Variants in TAF1L observed in about 807,000 individuals in gnomAD.
TAF1L encodes TATA-box binding protein associated factor 1 like, also known as transcription initiation factor TFIID subunit 1-like.
Under a neutral mutation model 128.8 loss-of-function variants are expected in TAF1L, and 30 were observed. The ratio of observed to expected loss-of-function variants is 0.23; its 90% CI spans 0.17 to 0.32. The LOEUF (loss-of-function observed/expected upper bound fraction) is 0.32. Ranked by LOEUF, TAF1L falls within the 10% of genes least tolerant of loss-of-function variation. The pLI, the probability that TAF1L is intolerant of heterozygous loss-of-function variation, is 1.00. For missense variants in TAF1L, 2,099 were observed against 2,253.7 expected, an observed-to-expected ratio of 0.93 and a Z score of 1.39; for synonymous variants, 764 against 790.7, an observed-to-expected ratio of 0.97 and a Z score of 0.57.
At position 32,633,945 on chromosome 9, in the gene TAF1L, G is replaced by A; in HGVS notation, c.1635C>T (p.Ser545=). The part of the protein sequence containing the change: ...EKEEATSNSP[S]KESKKESSLK... ...GAGATGATTCCTTCTTACTCTCCTT[G>A]GAGGGGGAGTTAGAGGTGGCCTCTT... is the stretch of plus-strand genomic sequence containing the variant. The change falls in exon 1 of 1, where the codon TCC becomes TCT. Residue 545 remains serine (S), a synonymous_variant. Transcript: ENST00000242310. The A allele has an allele frequency of 6.2e-7, 1 of 1,614,090 alleles. No individual in the cohort carries two copies.
rs749527766 is a variant in TAF1L, at chr9:32,632,635, A to T, written c.2945T>A (p.Phe982Tyr). 5.6e-6 allele frequency: 9 copies of T among 1,614,088 alleles called. No homozygotes were observed. The highest frequency in any genetic ancestry group is 7.6e-6 in the Non-Finnish European group (9 of 1,180,012). The change falls in exon 1 of 1, where the codon TTC becomes TAC. Residue 982 changes from phenylalanine to tyrosine, a missense_variant. By Grantham distance (22) the Phe-to-Tyr change is conservative (BLOSUM62 3). Transcript: ENST00000242310. This position sits in a 1 kb window ranked among gnomAD's most constrained non-coding sequence, Gnocchi z 4.4. ...VADPTGCGEG[F>Y]SYVKIPNKPT... ...TTTATTTGGAATCTTCACATAGGAG[A>T]ATCCTTCACCACACCCTGTGGGATC...
At position 32,635,345 on chromosome 9, in the gene TAF1L, C is replaced by G; in HGVS notation, c.235G>C (p.Glu79Gln). Residue 79 changes from glutamate (E) to glutamine (Q), a missense_variant, in exon 1 of 1, where the codon GAA (glutamate) becomes CAA (glutamine). By Grantham distance (29) the Glu-to-Gln change is conservative. Transcript: ENST00000242310. The stretch of plus-strand genomic sequence containing the variant: ...GTCAATTCTTCATTTGCCGTGAGTT[C>G]AGTGATTAGGCTGCCCAGCCCCAAA... ...GALGLGSLIT[E>Q]LTANEELTGT... The G allele has an allele frequency of 6.2e-7, 1 of 1,614,178 alleles. No individual in the cohort carries two copies. Among genetic ancestry groups the G allele is most frequent in the Non-Finnish European group, 8.5e-7 (1 of 1,180,032 alleles).
chr9:32,635,059 A>G lies in TAF1L; in HGVS notation c.521T>C (p.Ile174Thr). 3.1e-6 allele frequency: 5 copies of G among 1,614,154 alleles called. No homozygotes were observed. The highest frequency in any genetic ancestry group is 4.2e-6 in the Non-Finnish European group (5 of 1,180,020). Residue 174 changes from isoleucine (I) to threonine (T), a missense_variant, in exon 1 of 1, where the codon ATT (isoleucine) becomes ACT (threonine). Ile to Thr is a moderately conservative substitution (Grantham distance 89, BLOSUM62 -1). Around this residue, in one of 4 missense-constraint regions of TAF1L, gnomAD observed 473 missense variants for 429.6 expected, o/e 1.10. Coordinates refer to ENST00000242310, the MANE Select transcript of TAF1L (RefSeq NM_153809.2). ...TTCTCCACTTTCAGACACACAGGTAATAGCATCTTGGTCCTTATCCTTCTT... is the reference window on the plus strand; with the variant it reads ...TTCTCCACTTTCAGACACACAGGTAGTAGCATCTTGGTCCTTATCCTTCTT... ...PMKKDKDQDAITCVSESGEDI... is the reference protein window; with the variant it reads ...PMKKDKDQDATTCVSESGEDI...
rs766008806 is a variant in TAF1L at position 32,632,006 on chromosome 9, C to T, written c.3574G>A (p.Asp1192Asn). The part of the protein sequence containing the change: ...HCLKIYRTFR[D>N]EEGKEYVRCE... The stretch of plus-strand genomic sequence containing the variant: ...CGAACATACTCTTTCCCCTCTTCAT[C>T]TCGAAATGTGCGATAAATCTTGAGA... The change falls in exon 1 of 1, where the codon GAT (aspartate) becomes AAT (asparagine). Residue 1192 changes from aspartate to asparagine, a missense_variant. By Grantham distance (23) the Asp-to-Asn change is conservative. Coordinates refer to ENST00000242310, the MANE Select transcript of TAF1L (RefSeq NM_153809.2). This position sits in a 1 kb window ranked among gnomAD's most constrained non-coding sequence, Gnocchi z 4.4. 1 of 1,614,200 alleles carries T rather than the reference C, an allele frequency of 6.2e-7. No individual in the cohort carries two copies. The highest frequency in any genetic ancestry group is 8.5e-7 in the Non-Finnish European group (1 of 1,180,042).
At position 32,633,061 on chromosome 9, in the gene TAF1L, C is replaced by A; in HGVS notation, c.2519G>T (p.Arg840Leu). 6.2e-7 allele frequency: 1 copy of A among 1,614,122 alleles called. No individual in the cohort carries two copies. The highest frequency in any genetic ancestry group is 1.1e-5 in the South Asian group (1 of 91,078). ...IYRLFWKSKD[R>L]PRRIRMEDIK... ...ATCTTCCATTCGTATCCTCCGTGGC[C>A]GATCTTTACTCTTCCAGAAAAGGCG... The change falls in exon 1 of 1, where the codon CGG (arginine) becomes CTG (leucine). Residue 840 changes from arginine to leucine, a missense_variant. Physicochemically the swap from Arg to Leu is moderately radical, Grantham distance 102 (BLOSUM62 -2). This residue lies in a region of TAF1L where 1,213 missense variants were observed against 1,391.4 expected (regional missense o/e 0.87). Coordinates refer to ENST00000242310, the MANE Select transcript of TAF1L (RefSeq NM_153809.2).
At position 32,632,495 on chromosome 9, in the gene TAF1L, A is replaced by C. The variant is rs1384373355; in HGVS notation, c.3085T>G (p.Phe1029Val). The C allele has an allele frequency of 5.6e-6, 9 of 1,614,028 alleles. No individual in the cohort carries two copies. The Admixed American group carries it at 1.5e-4, about 27-fold the overall frequency. The stretch of plus-strand genomic sequence containing the variant: ...TTAATCTCTTCCTCAGGCACACCAA[A>C]TTTACGTAGAAGTTGCTTGGCATTT... Reference protein sequence around the residue: ...LKNAKQLLRKFGVPEEEIKKL... With the variant: ...LKNAKQLLRKVGVPEEEIKKL... Residue 1029 changes from phenylalanine (F) to valine (V), a missense_variant, in exon 1 of 1, where the codon TTT becomes GTT. Transcript: ENST00000242310. This position sits in a 1 kb window ranked among gnomAD's most constrained non-coding sequence, Gnocchi z 4.4.
In TAF1L at chr9:32,633,374, A is replaced by C. The variant is rs767772683; in HGVS notation, c.2206T>G (p.Cys736Gly). 12 of 1,614,222 alleles carry C rather than the reference A, an allele frequency of 7.4e-6. No individual in the cohort carries two copies. The South Asian group carries it at 1.2e-4, about 16-fold the overall frequency. The change falls in exon 1 of 1, where the codon TGT becomes GGT. Residue 736 changes from cysteine (C) to glycine (G), a missense_variant. By Grantham distance (159) the Cys-to-Gly change is radical. This residue lies in a region of TAF1L where 1,213 missense variants were observed against 1,391.4 expected (regional missense o/e 0.87). Transcript: ENST00000242310. ...CAGTAAACAGTTTCCCCATATTTAC[A>C]ATCTGGTGCTCCAGGATCTTTGCCA... ...KPGKDPGAPDCKYGETVYCHT... is the reference protein window; with the variant it reads ...KPGKDPGAPDGKYGETVYCHT...
Position 32,632,848 on chromosome 9 carries a change from A to G in TAF1L, c.2732T>C (p.Ile911Thr), listed in dbSNP as rs748437551. The change falls in exon 1 of 1, where the codon ATA becomes ACA. Residue 911 changes from isoleucine to threonine, a missense_variant. Ile to Thr is a moderately conservative substitution (Grantham distance 89). This residue lies in a region of TAF1L where 1,213 missense variants were observed against 1,391.4 expected (regional missense o/e 0.87). Transcript: ENST00000242310. The surrounding 1 kb of genome is among the most constrained non-coding windows in gnomAD (Gnocchi z 4.4). ...ATCCTTCAGTCGTTGCTTTGCAGCTATCATGCTATAATAAGCACAGCACTG... is the reference window on the plus strand; with the variant it reads ...ATCCTTCAGTCGTTGCTTTGCAGCTGTCATGCTATAATAAGCACAGCACTG... The part of the protein sequence containing the change: ...PEQCCAYYSM[I>T]AAKQRLKDAG... 6 of 1,614,142 alleles carry G rather than the reference A, an allele frequency of 3.7e-6. No individual in the cohort carries two copies. Among genetic ancestry groups the G allele is most frequent in the Admixed American group, 3.3e-5 (2 of 60,010 alleles).
Position 32,630,402 on chromosome 9 carries a change from CTCA to C in TAF1L, c.5175_5177del (p.Asp1725del). On this transcript the variant is annotated inframe_deletion, in exon 1 of 1. Transcript: ENST00000242310. ...GAGGCTTAGGTTTCCCATCCTCCTC[CTCA>C]TCATCATACCCTTCAACATCCACAT... 6.2e-6 allele frequency: 10 copies of C among 1,614,218 alleles called. No individual in the cohort carries two copies. Among genetic ancestry groups the C allele is most frequent in the South Asian group, 1.1e-5 (1 of 91,088 alleles).
Position 32,634,619 on chromosome 9 carries a change from G to C in TAF1L, c.961C>G (p.Pro321Ala). The change falls in exon 1 of 1, where the codon CCA becomes GCA. Residue 321 changes from proline to alanine, a missense_variant. Pro to Ala is a conservative substitution (Grantham distance 27). Coordinates refer to ENST00000242310, the MANE Select transcript of TAF1L (RefSeq NM_153809.2). ...WNYDYAPPPP[P>A]EQCLADDEIT... ...TCATCATCAGCGAGACACTGCTCTGGGGGTGGTGGTGGAGCATAGTCATAG... is the reference window on the plus strand; with the variant it reads ...TCATCATCAGCGAGACACTGCTCTGCGGGTGGTGGTGGAGCATAGTCATAG... 6.2e-7 allele frequency: 1 copy of C among 1,614,154 alleles called. No individual in the cohort carries two copies. The highest frequency in any genetic ancestry group is 1.1e-5 in the South Asian group (1 of 91,082).
Position 32,634,237 on chromosome 9 carries a change from T to C in TAF1L, c.1343A>G (p.Gln448Arg). 1 of 1,614,202 alleles carries C rather than the reference T, an allele frequency of 6.2e-7. No homozygotes were observed. The highest frequency in any genetic ancestry group is 2.2e-5 in the East Asian group (1 of 44,878). Residue 448 changes from glutamine to arginine, a missense_variant, in exon 1 of 1, where the codon CAG (glutamine) becomes CGG (arginine). Transcript: ENST00000242310. The stretch of plus-strand genomic sequence containing the variant: ...AAGCCAGCCTGCCAGGCTTGCACCC[T>C]GAGGTTTTGTCCCTTTGTGTTTGAT... ...EDIKHKGTKPQGASLAGWLPS... is the reference protein window; with the variant it reads ...EDIKHKGTKPRGASLAGWLPS...
chr9:32,635,564 C>G lies in TAF1L; in HGVS notation c.16G>C (p.Asp6His), dbSNP rs766801377. The change falls in exon 1 of 1, where the codon GAT (aspartate) becomes CAT (histidine). Residue 6 changes from aspartate to histidine, a missense_variant. Physicochemically the swap from Asp to His is moderately conservative, Grantham distance 81 (BLOSUM62 -1). This residue lies in a region of TAF1L where 473 missense variants were observed against 429.6 expected (regional missense o/e 1.10). Transcript: ENST00000242310. ...GTAGCTGCTGCCCTCAGCAGCAAAT[C>G]GCAGCCGGGTCGCATAAACCGGAAA... is the stretch of plus-strand genomic sequence containing the variant. Reference protein sequence around the residue: MRPGCDLLLRAAATVT... With the variant: MRPGCHLLLRAAATVT... 15 of 1,613,362 alleles carry G rather than the reference C, an allele frequency of 9.3e-6. No homozygotes were observed. The African/African-American group carries it at 2.0e-4, about 22-fold the overall frequency.
chr9:32,632,370 T>C lies in TAF1L; in HGVS notation c.3210A>G (p.Ser1070=). 6.2e-7 allele frequency: 1 copy of C among 1,614,216 alleles called. No homozygotes were observed. The highest frequency in any genetic ancestry group is 8.5e-7 in the Non-Finnish European group (1 of 1,180,032). Residue 1070 remains serine, a synonymous_variant, in exon 1 of 1, where the codon TCA becomes TCG. Coordinates refer to ENST00000242310, the MANE Select transcript of TAF1L (RefSeq NM_153809.2). This position sits in a 1 kb window ranked among gnomAD's most constrained non-coding sequence, Gnocchi z 4.4. ...EGPMSKFARG[S]RFSVAEHQER... Reference sequence around the variant, plus strand: ...CTTGATGCTCAGCCACAGAAAACCTTGATCCACGGGCAAATTTACTCATGG... The same window carrying C: ...CTTGATGCTCAGCCACAGAAAACCTCGATCCACGGGCAAATTTACTCATGG...
Position 32,630,448 on chromosome 9 carries a change from A to G in TAF1L, c.5132T>C (p.Leu1711Pro), listed in dbSNP as rs756746480. ...EKQMCQGQGRLGEEDSDVDVE... is the reference protein window; with the variant it reads ...EKQMCQGQGRPGEEDSDVDVE... ...ATCCACATCAGAGTCTTCCTCACCC[A>G]GCCTACCTTGGCCCTGGCACATCTG... The change falls in exon 1 of 1, where the codon CTG becomes CCG. Residue 1711 changes from leucine (L) to proline (P), a missense_variant. Coordinates refer to ENST00000242310, the MANE Select transcript of TAF1L (RefSeq NM_153809.2). The G allele has an allele frequency of 3.7e-6, 6 of 1,614,116 alleles. No homozygotes were observed. Among genetic ancestry groups the G allele is most frequent in the Non-Finnish European group, 5.1e-6 (6 of 1,180,004 alleles).
In TAF1L at chr9:32,635,288, C is replaced by A. The variant is rs1214432202; in HGVS notation, c.292G>T (p.Gly98Trp). The change falls in exon 1 of 1, where the codon GGG becomes TGG. Residue 98 changes from glycine to tryptophan, a missense_variant. Physicochemically the swap from Gly to Trp is radical, Grantham distance 184. Coordinates refer to ENST00000242310, the MANE Select transcript of TAF1L (RefSeq NM_153809.2). ...GTGGALVNDE[G>W]WIRSTEDAVD... ...GCATCTTCTGTACTCCTAATCCACC[C>A]TTCATCATTTACCAAGGCACCGCCA... The A allele has an allele frequency of 6.2e-7, 1 of 1,614,142 alleles. No individual in the cohort carries two copies. The highest frequency in any genetic ancestry group is 1.1e-5 in the South Asian group (1 of 91,080).
chr9:32,631,772 GCTT>G lies in TAF1L; in HGVS notation c.3805_3807del (p.Lys1269del). Reference sequence around the variant, plus strand: ...TCAGGACGCTCTTTCATTTTCTTGGGCTTCTTCTCAGGAGGACCCTTAAGCTTC... The same window carrying G: ...TCAGGACGCTCTTTCATTTTCTTGGGCTTCTCAGGAGGACCCTTAAGCTTC... On this transcript the variant is annotated inframe_deletion, in exon 1 of 1. Coordinates refer to ENST00000242310, the MANE Select transcript of TAF1L (RefSeq NM_153809.2). This position sits in a 1 kb window ranked among gnomAD's most constrained non-coding sequence, Gnocchi z 4.1. 1 of 1,614,078 alleles carries G rather than the reference GCTT, an allele frequency of 6.2e-7. No homozygotes were observed. Among genetic ancestry groups the G allele is most frequent in the South Asian group, 1.1e-5 (1 of 91,074 alleles).
chr9:32,629,675 T>C lies in TAF1L; in HGVS notation c.*424A>G. On this transcript the variant is annotated 3_prime_UTR_variant, in exon 1 of 1. Coordinates refer to ENST00000242310, the MANE Select transcript of TAF1L (RefSeq NM_153809.2). ...CATGCTTGGAAATTTTCTTTTTTTT[T>C]GAGATGGAGTCTCACTCTTTCGCCC... The C allele has an allele frequency of 4.3e-6, 1 of 231,196 alleles. No individual in the cohort carries two copies. The highest frequency in any genetic ancestry group is 5.1e-5 in the Admixed American group (1 of 19,432). The allele number at this position is 231,196 out of a possible 1,614,324, so 14.3% of individuals were successfully genotyped here.
chr9:32,630,584 G>A lies in TAF1L; in HGVS notation c.4996C>T (p.Pro1666Ser). The A allele has an allele frequency of 1.2e-6, 2 of 1,614,190 alleles. No individual in the cohort carries two copies. Among genetic ancestry groups the A allele is most frequent in the African/African-American group, 1.3e-5 (1 of 75,046 alleles). Reference protein sequence around the residue: ...MTPGPYTSQPPDMYDTNTSLS... With the variant: ...MTPGPYTSQPSDMYDTNTSLS... ...GATGTGTTGGTATCATACATATCAG[G>A]AGGCTGAGATGTGTAGGGCCCTGGG... Residue 1666 changes from proline (P) to serine (S), a missense_variant, in exon 1 of 1, where the codon CCT (proline) becomes TCT (serine). By Grantham distance (74) the Pro-to-Ser change is moderately conservative. Coordinates refer to ENST00000242310, the MANE Select transcript of TAF1L (RefSeq NM_153809.2).
At position 32,635,421 on chromosome 9, in the gene TAF1L, C is replaced by T. The variant is rs1822571139; in HGVS notation, c.159G>A (p.Gly53=). The change falls in exon 1 of 1, where the codon GGG becomes GGA. Residue 53 remains glycine, a synonymous_variant. Coordinates refer to ENST00000242310, the MANE Select transcript of TAF1L (RefSeq NM_153809.2). The part of the protein sequence containing the change: ...GNISGAGQLE[G]ESVLDDECKK... Reference sequence around the variant, plus strand: ...TACACTCATCATCCAAGACGCTTTCCCCCTCCAGCTGCCCCGCTCCACTGA... The same window carrying T: ...TACACTCATCATCCAAGACGCTTTCTCCCTCCAGCTGCCCCGCTCCACTGA... 6.2e-7 allele frequency: 1 copy of T among 1,613,998 alleles called. No individual in the cohort carries two copies. The highest frequency in any genetic ancestry group is 1.3e-5 in the African/African-American group (1 of 74,894).
Sources: gnomAD v4.1 joint callset for allele counts on GRCh38, gnomAD v4.1.1 for gene constraint, gnomAD v4.1.1 regional missense constraint, Gnocchi (gnomAD v3.1) non-coding constraint, MANE v1.5 for transcripts, NCBI Gene and HGNC (gene_info 2026-07-23, HGNC 2026-07-21) for gene names.